Variants in MGMT observed in about 807,000 individuals in gnomAD.
MGMT encodes the protein O-6-methylguanine-DNA methyltransferase, also known as methylated-DNA--protein-cysteine methyltransferase.
In MGMT, 14 loss-of-function variants were observed where a neutral mutation model predicts 15.9. The ratio of observed to expected loss-of-function variants is 0.88; its 90% CI spans 0.58 to 1.37. The LOEUF is 1.37. MGMT is among the 40% of genes most tolerant of loss of function. The probability of loss-of-function intolerance (pLI) is 0.00; values close to 1 mark genes in which losing one functional copy is unlikely to be tolerated. For synonymous variants in MGMT, 130 were observed against 118.2 expected, an observed-to-expected ratio of 1.10 and a Z score of -0.65; for missense variants, 282 against 268.1, an observed-to-expected ratio of 1.05 and a Z score of -0.36.
chr10:129,672,131 T>G (rs1847731447), intron 2 of MGMT, among the ~76,000 whole-genome samples: 1 of 152,232 alleles, frequency 6.6e-6, no homozygotes, highest in South Asian at 2.1e-4. Flanking sequence ...TGGTTTCAGT[T>G]TCTTTTTTAG....
chr10:129,525,071 CTG>C (rs1845854763), intron 1 of MGMT, among the ~76,000 whole-genome samples: 1 of 152,142 alleles, frequency 6.6e-6, no homozygotes, highest in Non-Finnish European at 1.5e-5. Flanking sequence ...TTTGTTAAAA[CTG>C]TACACATTTA....
intron 2 of MGMT, among the ~76,000 whole-genome samples, chr10:129,646,568 G>A (rs1847391071): frequency 6.6e-6 from 1 of 151,314 alleles, no homozygotes; most frequent in South Asian, 2.1e-4. Context: ...GTGGCAGTTA[G>A]TACTGGGGCA....
At chr10:129,518,135 C>T (rs1157967440) in intron 1 of MGMT, among the ~76,000 whole-genome samples, 3 of 152,002 alleles carry the variant, frequency 2.0e-5, no homozygotes, top group African/African-American at 7.3e-5. Context: ...GGAAGCGTAT[C>T]TCACCGTGTC....
At chr10:129,609,085 C>T (rs1846928474) in intron 2 of MGMT, among the ~76,000 whole-genome samples, 1 of 152,160 alleles carries the variant, frequency 6.6e-6, no homozygotes, top group African/African-American at 2.4e-5. Context: ...GGCTCAGTGG[C>T]TTGAACAGGT....
chr10:129,734,320 T>C (rs76730341), intron 3 of MGMT, among the ~76,000 whole-genome samples: 280 of 118,866 alleles, frequency 2.4e-3, no homozygotes, highest in East Asian at 0.011. Flanking sequence ...CTCTTTGAAG[T>C]GATTGTGAAT....
At chr10:129,561,620 C>T (rs74373414) in intron 2 of MGMT, among the ~76,000 whole-genome samples, 4,950 of 152,216 alleles carry the variant, frequency 0.033, 131 homozygotes, top group South Asian at 0.065. Flanking sequence ...GACATGGTAT[C>T]CACCCTCAAG....
At chr10:129,742,565 G>A (rs1848647174) in intron 3 of MGMT, among the ~76,000 whole-genome samples, 1 of 150,232 alleles carries the variant, frequency 6.7e-6, no homozygotes, top group Non-Finnish European at 1.5e-5. Context: ...CATGCTCAGA[G>A]CCAGGTCCTC....
rs75749999 is a variant in MGMT at position 129,726,338 on chromosome 10, C to T, written c.274+18295C>T. Among the ~76,000 whole-genome samples, 1,316 of 152,222 alleles carry T rather than the reference C, an allele frequency of 8.6e-3. 12 individuals are homozygous for T. Among genetic ancestry groups the T allele is most frequent in the African/African-American group, 0.029 (1,194 of 41,544 alleles). On this transcript the variant is annotated intron_variant, in intron 3 of 4. Coordinates refer to ENST00000651593, the MANE Select transcript of MGMT (RefSeq NM_002412.5). Reference sequence around the variant, plus strand: ...CCAGGTCCTTGATGGCACAGGGCCACGTGCAGGTGGAGTCCAGGCGAGACT... The same window carrying T: ...CCAGGTCCTTGATGGCACAGGGCCATGTGCAGGTGGAGTCCAGGCGAGACT...
chr10:129,714,887 A>G (rs7099068), intron 3 of MGMT, among the ~76,000 whole-genome samples: 85,078 of 151,986 alleles, frequency 0.56, 24,936 homozygotes, highest in African/African-American at 0.74. Context: ...GAAATTCATG[A>G]TGTCCCTGTG....
chr10:129,640,375 C>T (rs1446891487), intron 2 of MGMT, among the ~76,000 whole-genome samples: 1 of 152,146 alleles, frequency 6.6e-6, no homozygotes, highest in Non-Finnish European at 1.5e-5. Flanking sequence ...AGATTATAGG[C>T]GTGAGCCACT....
chr10:129,539,567 T>A (rs1160242355), intron 2 of MGMT, among the ~76,000 whole-genome samples: 1 of 152,138 alleles, frequency 6.6e-6, no homozygotes, highest in Non-Finnish European at 1.5e-5. Context: ...AGTGCAGTGG[T>A]GTGATCTCGA....
intron 2 of MGMT, among the ~76,000 whole-genome samples, chr10:129,604,605 G>A (rs1449595362): frequency 3.3e-5 from 5 of 151,434 alleles, no homozygotes. Flanking sequence ...ACGTGGAGGA[G>A]CCACTCTCTT....
chr10:129,681,261 A>C (rs1053404590), intron 2 of MGMT, among the ~76,000 whole-genome samples: 7 of 152,356 alleles, frequency 4.6e-5, no homozygotes, highest in Admixed American at 3.3e-4. Context: ...GCTGGTAAGG[A>C]AAATGACATT....
At chr10:129,683,607 T>C (rs1847876548) in intron 2 of MGMT, among the ~76,000 whole-genome samples, 1 of 152,186 alleles carries the variant, frequency 6.6e-6, no homozygotes, top group Admixed American at 6.5e-5. Flanking sequence ...ATATTTTAAC[T>C]CAAGAATGTG....
At chr10:129,562,306 G>T (rs1266489957) in intron 2 of MGMT, among the ~76,000 whole-genome samples, 1 of 152,164 alleles carries the variant, frequency 6.6e-6, no homozygotes, top group Non-Finnish European at 1.5e-5. Context: ...AACCTGGCCT[G>T]CCCCTTGCTG....
chr10:129,669,128 T>A (rs1847692777), intron 2 of MGMT, among the ~76,000 whole-genome samples: 1 of 152,214 alleles, frequency 6.6e-6, no homozygotes, highest in African/African-American at 2.4e-5. Context: ...CATAGAAGAT[T>A]TAAAATTATA....
chr10:129,506,817 C>G (rs1845630585), intron 1 of MGMT, among the ~76,000 whole-genome samples: 2 of 152,050 alleles, frequency 1.3e-5, no homozygotes, highest in African/African-American at 2.4e-5. Context: ...AAACTCCTAA[C>G]CATTGTTCAA....
intron 2 of MGMT, among the ~76,000 whole-genome samples, chr10:129,654,126 G>A (rs755806817): frequency 3.3e-4 from 50 of 152,278 alleles, no homozygotes; most frequent in Middle Eastern, 3.4e-3. Context: ...GCCGACCCCC[G>A]CCTTGCAGCT....
At position 129,536,237 on chromosome 10, in the gene MGMT, T is replaced by A; in HGVS notation, c.-12-4T>A. ...ACTTTGTCTTAAAAATTATTTCTGT[T>A]TAGGTACTTGGAAAAATGGACAAGG... On this transcript the variant is annotated splice_region_variant and splice_polypyrimidine_tract_variant and intron_variant, in intron 1 of 4. Transcript: ENST00000651593. The A allele has an allele frequency of 3.1e-6, 5 of 1,613,802 alleles. No individual in the cohort carries two copies. Among genetic ancestry groups the A allele is most frequent in the Non-Finnish European group, 4.2e-6 (5 of 1,179,916 alleles).
Sources: gnomAD v4.1 joint callset for allele counts (sites outside exome capture counted in the v4.1 genomes callset) on GRCh38, gnomAD v4.1.1 for gene constraint, MANE v1.5 for transcripts, NCBI Gene and HGNC (gene_info 2026-07-23, HGNC 2026-07-21) for gene names.